The following ITGA9 variants were observed in gnomAD, a reference collection of about 807,000 sequenced individuals.
The protein encoded by ITGA9 is integrin alpha-9.
In ITGA9, 56 loss-of-function variants were observed where a neutral mutation model predicts 127.8. The ratio of observed to expected loss-of-function variants is 0.44; its 90% CI spans 0.35 to 0.55. The LOEUF is 0.55. Among genes scored for constraint, ITGA9 ranks in the 20% least tolerant of loss-of-function variants. The probability of loss-of-function intolerance (pLI) is 0.00; values close to 1 mark genes in which losing one functional copy is unlikely to be tolerated. For missense variants in ITGA9, 1,196 were observed against 1,347.1 expected (o/e 0.89, Z 1.76); for synonymous variants, 508 against 514.5 (o/e 0.99, Z 0.17).
chr3:37,729,400 C>T (rs1013041791), intron 18 of ITGA9, among the ~76,000 whole-genome samples: 2 of 152,136 alleles, frequency 1.3e-5, no homozygotes, highest in Non-Finnish European at 2.9e-5. Flanking sequence ...TTGGTTTACT[C>T]TTTTGGCCTG....
intron 15 of ITGA9, among the ~76,000 whole-genome samples, chr3:37,543,677 G>A (rs1017342313): frequency 3.9e-5 from 6 of 152,182 alleles, no homozygotes; most frequent in African/African-American, 1.4e-4. Flanking sequence ...AAAGTCTGCA[G>A]ATTAGAGATG....
chr3:37,627,376 C>T (rs1700185847), intron 15 of ITGA9, among the ~76,000 whole-genome samples: 1 of 152,134 alleles, frequency 6.6e-6, no homozygotes, highest in Non-Finnish European at 1.5e-5. Flanking sequence ...ATGGCCGTCT[C>T]CTCTCTGGGG....
chr3:37,683,826 G>C (rs1575191335), intron 17 of ITGA9, 39 bp from the exon 18 acceptor site: 1 of 1,608,386 alleles, frequency 6.2e-7, no homozygotes, highest in East Asian at 2.2e-5. Flanking sequence ...TATTAGTGTA[G>C]GCCTCAGGGC....
At chr3:37,594,729 G>A (rs957516551) in intron 15 of ITGA9, among the ~76,000 whole-genome samples, 29 of 152,244 alleles carry the variant, frequency 1.9e-4, no homozygotes, top group Non-Finnish European at 2.8e-4. Context: ...TGCTAACAAC[G>A]CTTAATAGAG....
chr3:37,736,852 G>C lies in ITGA9; in HGVS notation c.2155-52G>C, dbSNP rs1696368318. The stretch of plus-strand genomic sequence containing the variant: ...AAACTGCAGAAGATGGAAGAGAACA[G>C]TTTAAGTTTGGAATGCCTGCTGATG... On this transcript the variant is annotated intron_variant, in intron 19 of 27. Coordinates refer to ENST00000264741, the MANE Select transcript of ITGA9 (RefSeq NM_002207.3). 3.4e-6 allele frequency: 4 copies of C among 1,190,904 alleles called. No individual in the cohort carries two copies. In the South Asian group the frequency reaches 4.9e-5, roughly 14 times the overall value. The allele number at this position is 1,190,904 out of a possible 1,614,324, so 73.8% of individuals were successfully genotyped here. A position where few individuals can be genotyped will look rare whatever the true frequency, so the allele number is the denominator to read the frequency against.
chr3:37,731,199 G>A (rs997474707), intron 18 of ITGA9, among the ~76,000 whole-genome samples: 2 of 152,096 alleles, frequency 1.3e-5, no homozygotes, highest in African/African-American at 4.8e-5. Flanking sequence ...TTAGAGTGTG[G>A]CCCAGGAATC....
intron 18 of ITGA9, among the ~76,000 whole-genome samples, chr3:37,707,930 C>G (rs779351310): frequency 1.3e-5 from 2 of 152,210 alleles, no homozygotes; most frequent in Non-Finnish European, 2.9e-5. Flanking sequence ...ATGGCTACCC[C>G]TTCCCGAGTG....
At chr3:37,491,385 G>A (rs1393112422) in intron 4 of ITGA9, among the ~76,000 whole-genome samples, 1 of 152,248 alleles carries the variant, frequency 6.6e-6, no homozygotes, top group Non-Finnish European at 1.5e-5. Context: ...TTGTTCAGTA[G>A]TGGAGAGGGC....
rs17036426 is a variant in ITGA9 at position 37,485,521 on chromosome 3, G to A, written c.544+3914G>A. On this transcript the variant is annotated intron_variant, in intron 4 of 27. Transcript: ENST00000264741. ...CTTTGGGTTATGGTGAGGAGCTCCC[G>A]AGAAAACTCAGGTGAAAGTGCTCAG... 2.2e-3 allele frequency among the ~76,000 whole-genome samples: 331 copies of A among 152,214 alleles called. 8 individuals carry two copies. The East Asian group carries it at 0.051, about 24-fold the overall frequency.
intron 15 of ITGA9, among the ~76,000 whole-genome samples, chr3:37,586,990 G>C (rs1391848853): frequency 6.6e-6 from 1 of 152,234 alleles, no homozygotes; most frequent in Non-Finnish European, 1.5e-5. Flanking sequence ...TGAGAGCTGT[G>C]ATGCCCACAT....
chr3:37,594,100 T>C (rs4678972), intron 15 of ITGA9, among the ~76,000 whole-genome samples: 96,644 of 152,134 alleles, frequency 0.64, 31,060 homozygotes, highest in East Asian at 0.73. Context: ...GGTGACAAGG[T>C]TGCCAGGGAG....
At chr3:37,653,650 G>A in intron 16 of ITGA9, 64 bp from the exon 17 acceptor site, 1 of 1,138,996 alleles carries the variant, frequency 8.8e-7, no homozygotes, top group Admixed American at 1.7e-5. Context: ...GAAAGGAATT[G>A]GCCACTGTGT....
At chr3:37,625,606 G>A (rs1014866692) in intron 15 of ITGA9, among the ~76,000 whole-genome samples, 8 of 152,054 alleles carry the variant, frequency 5.3e-5, no homozygotes, top group Admixed American at 3.3e-4. Flanking sequence ...AGTTTGTAGC[G>A]TTATTTTTTT....
chr3:37,658,479 T>A (rs1294749809), intron 17 of ITGA9, among the ~76,000 whole-genome samples: 2 of 152,188 alleles, frequency 1.3e-5, no homozygotes, highest in Non-Finnish European at 2.9e-5. Flanking sequence ...TGATTTAAAG[T>A]CTGTTTTATC....
chr3:37,616,579 A>G (rs1024150598), intron 15 of ITGA9, among the ~76,000 whole-genome samples: 22 of 152,118 alleles, frequency 1.4e-4, no homozygotes, highest in Non-Finnish European at 3.1e-4. Flanking sequence ...AAAGTCTCCC[A>G]TTATATTGTG....
chr3:37,584,135 G>A (rs932609668), intron 15 of ITGA9, among the ~76,000 whole-genome samples: 9 of 152,162 alleles, frequency 5.9e-5, no homozygotes, highest in African/African-American at 2.2e-4. Flanking sequence ...ATGGATCTGT[G>A]GGATGGTTGG....
At chr3:37,774,269 T>G (rs1361021377) in intron 23 of ITGA9, among the ~76,000 whole-genome samples, 1 of 152,202 alleles carries the variant, frequency 6.6e-6, no homozygotes, top group African/African-American at 2.4e-5. Flanking sequence ...AAGGAATAAT[T>G]ACCAAATCTT....
intron 16 of ITGA9, among the ~76,000 whole-genome samples, chr3:37,649,436 A>T (rs1700409486): frequency 6.6e-6 from 1 of 152,196 alleles, no homozygotes; most frequent in Non-Finnish European, 1.5e-5. Context: ...GTTAATACTT[A>T]TATCAACAAA....
intron 27 of ITGA9, chr3:37,805,991 T>G (rs777018333): frequency 6.6e-6 from 1 of 152,212 alleles, no homozygotes; most frequent in South Asian, 2.1e-4. Context: ...TTATTACTAT[T>G]GCAGATTGCC....
Sources: allele counts gnomAD v4.1 joint callset (sites outside exome capture counted in the v4.1 genomes callset), GRCh38; gene constraint gnomAD v4.1.1; transcripts MANE v1.5; gene names NCBI Gene and HGNC (gene_info 2026-07-23, HGNC 2026-07-21).